The following ENKUR variants were observed in gnomAD, a reference collection of about 807,000 sequenced individuals.
ENKUR encodes the protein enkurin.
In ENKUR, 19 loss-of-function variants were observed where a neutral mutation model predicts 27.6. The observed-to-expected ratio is 0.69, with a 90% CI of 0.48 to 1.01. ENKUR has a LOEUF of 1.01. Among genes scored for constraint, ENKUR ranks in the 50% least tolerant of loss-of-function variants. The pLI, the probability that ENKUR is intolerant of heterozygous loss-of-function variation, is 0.00. For missense variants in ENKUR, 312 were observed against 310.5 expected (o/e 1.00, Z -0.04); for synonymous variants, 117 against 96.9 (o/e 1.21, Z -1.22).
intron 4 of ENKUR, among the ~76,000 whole-genome samples, chr10:24,988,543 TA>T (rs1849842917): frequency 6.8e-6 from 1 of 147,254 alleles, no homozygotes. Flanking sequence ...TATGTACATG[TA>T]GAGATATGAA....
intron 2 of ENKUR, among the ~76,000 whole-genome samples, chr10:24,996,557 T>C (rs999143870): frequency 6.6e-6 from 1 of 152,208 alleles, no homozygotes; most frequent in Non-Finnish European, 1.5e-5. Context: ...TTCCCATTGA[T>C]CTATTTTAAT....
At chr10:25,052,187 T>G (rs1488320365) in intron 2 of ENKUR, among the ~76,000 whole-genome samples, 2 of 152,054 alleles carry the variant, frequency 1.3e-5, no homozygotes, top group Non-Finnish European at 2.9e-5. Flanking sequence ...GTCTAATAAG[T>G]GAGAAATGAT....
intron 2 of ENKUR, among the ~76,000 whole-genome samples, chr10:25,046,604 A>C (rs987459442): frequency 1.3e-5 from 2 of 152,216 alleles, no homozygotes; most frequent in Non-Finnish European, 2.9e-5. Context: ...CATCTAGAAC[A>C]TAAGGATAAA....
At chr10:25,049,585 C>T (rs1375285949) in intron 2 of ENKUR, among the ~76,000 whole-genome samples, 2 of 151,944 alleles carry the variant, frequency 1.3e-5, no homozygotes, top group African/African-American at 2.4e-5. Flanking sequence ...GTCAGGGGTT[C>T]GAGACCAGCC....
chr10:25,015,546 A>T lies in ENKUR; in HGVS notation c.77+314T>A, dbSNP rs188972113. Among the ~76,000 whole-genome samples, 202 of 152,304 alleles carry T rather than the reference A, an allele frequency of 1.3e-3. 1 individual carries two copies. The highest frequency in any genetic ancestry group is 4.5e-3 in the African/African-American group (189 of 41,564). On this transcript the variant is annotated intron_variant, in intron 1 of 5. Transcript: ENST00000331161. Reference sequence around the variant, plus strand: ...GAATTGTGATTTTTTTCTTTTCAACATGAAACTTCATACTATGCTGTATAT... The same window carrying T: ...GAATTGTGATTTTTTTCTTTTCAACTTGAAACTTCATACTATGCTGTATAT...
At chr10:25,052,082 A>G (rs1230529952) in intron 2 of ENKUR, among the ~76,000 whole-genome samples, 2 of 152,254 alleles carry the variant, frequency 1.3e-5, no homozygotes, top group African/African-American at 4.8e-5. Context: ...GTCATTTATC[A>G]TTAACTAGAA....
intron 2 of ENKUR, among the ~76,000 whole-genome samples, chr10:25,032,475 C>T (rs1850947769): frequency 6.6e-6 from 1 of 152,162 alleles, no homozygotes; most frequent in Non-Finnish European, 1.5e-5. Flanking sequence ...TCCTAATCAG[C>T]AGTCACCCTG....
intron 1 of ENKUR, among the ~76,000 whole-genome samples, chr10:25,012,457 T>C (rs1850469281): frequency 6.6e-6 from 1 of 152,178 alleles, no homozygotes; most frequent in Non-Finnish European, 1.5e-5. Flanking sequence ...GAATGGGGGC[T>C]GTACTGTGCC....
chr10:24,999,816 AC>A (rs972046380), intron 1 of ENKUR, among the ~76,000 whole-genome samples: 55 of 152,144 alleles, frequency 3.6e-4, no homozygotes, highest in African/African-American at 1.3e-3. Context: ...TAGTGATGTC[AC>A]CCCTCTCATT....
rs531744241 is a variant in ENKUR at position 25,052,918 on chromosome 10, C to T, written c.37+8194G>A. Among the ~76,000 whole-genome samples the T allele has an allele frequency of 1.7e-4, 26 of 151,974 alleles. No homozygotes were observed. In the South Asian group the frequency reaches 4.1e-3, roughly 24 times the overall value. On this transcript the variant is annotated intron_variant, in intron 2 of 5. Transcript: ENST00000615958. The stretch of plus-strand genomic sequence containing the variant: ...CCGAGTAGCTAGGATTACAGGCATG[C>T]GCCACCATGCCTGGCTAATTTTGTA...
chr10:25,052,283 G>C (rs972515409), intron 2 of ENKUR, among the ~76,000 whole-genome samples: 2 of 152,198 alleles, frequency 1.3e-5, no homozygotes, highest in African/African-American at 4.8e-5. Flanking sequence ...AAAGAGGTCA[G>C]TATGCTAAAG....
intron 2 of ENKUR, among the ~76,000 whole-genome samples, chr10:25,031,152 T>G (rs971102001): frequency 2.0e-5 from 3 of 152,144 alleles, no homozygotes; most frequent in African/African-American, 7.2e-5. Flanking sequence ...AAGACAATGC[T>G]CAGTGATACC....
At chr10:25,030,069 T>C (rs1203073479) in intron 2 of ENKUR, among the ~76,000 whole-genome samples, 1 of 152,214 alleles carries the variant, frequency 6.6e-6, no homozygotes, top group East Asian at 1.9e-4. Flanking sequence ...CTTGAAGATT[T>C]CCCCTCTTGA....
chr10:25,014,007 G>A (rs888058514), intron 1 of ENKUR, among the ~76,000 whole-genome samples: 5 of 152,032 alleles, frequency 3.3e-5, no homozygotes, highest in Admixed American at 6.5e-5. Context: ...ACCATCTTAT[G>A]CATCATGAGT....
At chr10:25,038,780 G>T (rs1051263811) in intron 2 of ENKUR, among the ~76,000 whole-genome samples, 2 of 152,188 alleles carry the variant, frequency 1.3e-5, no homozygotes, top group Non-Finnish European at 2.9e-5. Flanking sequence ...GGGAGAATAT[G>T]ATTTTAAATG....
intron 1 of ENKUR, chr10:25,062,139 C>T (rs1045935873): frequency 1.3e-5 from 2 of 152,220 alleles, no homozygotes; most frequent in Non-Finnish European, 2.9e-5. Context: ...TTCCCTGGAA[C>T]CCCACACATG....
chr10:24,990,507 CT>C lies in ENKUR; in HGVS notation c.549del (p.Ala184LeufsTer2). On this transcript the variant is annotated frameshift_variant, in exon 4 of 6. Transcript: ENST00000331161. LOFTEE classifies it high-confidence loss of function. The stretch of plus-strand genomic sequence containing the variant: ...TCTTCATCGGAGAGCCTTTTCATAG[CT>C]GCTTTCTTAAGGTTTTCCTGGATAT... ...DRYIQENLKKAAMKRLSDEER... is the reference protein window; with the variant it reads ...DRYIQENLKKXAMKRLSDEER... The C allele has an allele frequency of 1.2e-6, 2 of 1,613,710 alleles. No individual in the cohort carries two copies. The highest frequency in any genetic ancestry group is 2.2e-5 in the South Asian group (2 of 90,922).
intron 3 of ENKUR, 133 bp from the exon 4 acceptor site, chr10:24,990,742 A>C (rs1342767532): frequency 4.5e-6 from 4 of 888,696 alleles, no homozygotes; most frequent in Non-Finnish European, 1.6e-6. Flanking sequence ...GTAAATTGAC[A>C]AAATTCAGTG....
intron 2 of ENKUR, among the ~76,000 whole-genome samples, chr10:25,054,232 C>T (rs563527744): frequency 6.6e-6 from 1 of 152,060 alleles, no homozygotes; most frequent in African/African-American, 2.4e-5. Context: ...ACCAGCCTGG[C>T]CAACATGGTA....
Sources: allele counts gnomAD v4.1 joint callset (sites outside exome capture counted in the v4.1 genomes callset), GRCh38; gene constraint gnomAD v4.1.1; transcripts MANE v1.5; gene names NCBI Gene and HGNC (gene_info 2026-07-23, HGNC 2026-07-21).